DNAI4: variants seen among roughly 807,000 people sequenced by gnomAD.
DNAI4 encodes the protein WD repeat domain 78.
Under a neutral mutation model 105.8 loss-of-function variants are expected in DNAI4, and 85 were observed. That is an observed-to-expected ratio of 0.80 (90% confidence interval 0.67 to 0.96). DNAI4 has a LOEUF of 0.96. DNAI4 is among the 40% of genes least tolerant of loss of function. The pLI is 0.00. For synonymous variants in DNAI4, 352 were observed against 331.5 expected, an observed-to-expected ratio of 1.06 and a Z score of -0.67; for missense variants, 1,014 against 1,005.6, an observed-to-expected ratio of 1.01 and a Z score of -0.11.
chr1:66,819,847 T>C (rs1056074812), intron 16 of DNAI4, among the ~76,000 whole-genome samples: 9 of 152,028 alleles, frequency 5.9e-5, no homozygotes, highest in African/African-American at 1.7e-4. Flanking sequence ...AATTCAGAGT[T>C]TGTGGGCAAG....
intron 7 of DNAI4, among the ~76,000 whole-genome samples, chr1:66,850,161 T>C (rs973087318): frequency 9.1e-4 from 105 of 115,738 alleles, no homozygotes; most frequent in African/African-American, 3.2e-3. Context: ...AAAAAAAAAA[T>C]CTAGAAAGCA....
In DNAI4 at chr1:66,847,583, C is replaced by T; in HGVS notation, c.1192G>A (p.Asp398Asn). The T allele has an allele frequency of 6.2e-7, 1 of 1,613,926 alleles. No homozygotes were observed. The highest frequency in any genetic ancestry group is 8.5e-7 in the Non-Finnish European group (1 of 1,179,954). The change falls in exon 8 of 17, where the codon GAC becomes AAC. Residue 398 changes from aspartate (D) to asparagine (N), a missense_variant. Asp to Asn is a conservative substitution (Grantham distance 23). Coordinates refer to ENST00000371026, the MANE Select transcript of DNAI4 (RefSeq NM_024763.5). ...EDHSDAILKS[D>N]KFHQDLFFME... Reference sequence around the variant, plus strand: ...AAAAATAAGTCCTGATGAAATTTGTCAGATTTTAATATTGCATCTGAGTGG... The same window carrying T: ...AAAAATAAGTCCTGATGAAATTTGTTAGATTTTAATATTGCATCTGAGTGG...
intron 2 of DNAI4, among the ~76,000 whole-genome samples, chr1:66,897,341 G>A (rs1338261775): frequency 6.6e-6 from 1 of 152,178 alleles, no homozygotes; most frequent in Non-Finnish European, 1.5e-5. Flanking sequence ...ACAAAGGGAT[G>A]AGATTACAAA....
chr1:66,887,833 C>T (rs1043601325), intron 4 of DNAI4, among the ~76,000 whole-genome samples: 2 of 151,908 alleles, frequency 1.3e-5, no homozygotes, highest in Admixed American at 1.3e-4. Flanking sequence ...GTGGCAGGCA[C>T]CTGTAATCCC....
chr1:66,870,172 G>A (rs748259723), intron 6 of DNAI4, among the ~76,000 whole-genome samples: 5 of 152,218 alleles, frequency 3.3e-5, no homozygotes, highest in Non-Finnish European at 7.4e-5. Context: ...GGCCAGGCGC[G>A]GTGGCTCATG....
intron 7 of DNAI4, among the ~76,000 whole-genome samples, chr1:66,858,532 C>CAAAAAAAAAAAAAAAAAAAAAAAA (rs3033717): frequency 1.6e-5 from 1 of 63,586 alleles, no homozygotes; most frequent in Non-Finnish European, 3.1e-5. Context: ...GACTCCGTCT[C>CAAAAAAAAAAAAAAAAAAAAAAAA]AAAAAAAAAA....
intron 8 of DNAI4, among the ~76,000 whole-genome samples, chr1:66,843,503 G>C (rs1390862602): frequency 6.6e-6 from 1 of 152,140 alleles, no homozygotes; most frequent in East Asian, 1.9e-4. Context: ...TCTCTTGACA[G>C]TGTCTTTTGC....
chr1:66,914,253 G>A (rs1172002081), intron 1 of DNAI4, among the ~76,000 whole-genome samples: 4 of 152,112 alleles, frequency 2.6e-5, no homozygotes, highest in Non-Finnish European at 4.4e-5. Flanking sequence ...AAATAATATG[G>A]TCTTTGTGCA....
chr1:66,825,272 C>T (rs564358953), intron 15 of DNAI4, among the ~76,000 whole-genome samples: 27 of 149,996 alleles, frequency 1.8e-4, no homozygotes, highest in South Asian at 6.3e-4. Flanking sequence ...CTCCGCTTCC[C>T]GGGTTCACGC....
intron 6 of DNAI4, among the ~76,000 whole-genome samples, chr1:66,869,145 G>A (rs1045443747): frequency 5.3e-5 from 8 of 150,290 alleles, no homozygotes; most frequent in Admixed American, 2.0e-4. Flanking sequence ...ATATTCTATT[G>A]GTTCTGTTTT....
At chr1:66,883,829 C>G (rs1647133852) in intron 4 of DNAI4, among the ~76,000 whole-genome samples, 1 of 152,124 alleles carries the variant, frequency 6.6e-6, no homozygotes, top group South Asian at 2.1e-4. Flanking sequence ...CTCAAATACT[C>G]AACATTTTTG....
At chr1:66,848,343 A>G in intron 7 of DNAI4, 1 of 445,020 alleles carries the variant, frequency 2.2e-6, no homozygotes, top group Non-Finnish European at 4.5e-6. Context: ...TTAGTACCCC[A>G]TGTGATTAGA....
intron 5 of DNAI4, among the ~76,000 whole-genome samples, chr1:66,873,276 C>G (rs983590666): frequency 6.0e-5 from 9 of 149,328 alleles, no homozygotes; most frequent in African/African-American, 2.2e-4. Context: ...TGGTCTCTCT[C>G]GGTTGACCAG....
chr1:66,887,945 C>G (rs539468383), intron 4 of DNAI4, among the ~76,000 whole-genome samples: 1 of 151,634 alleles, frequency 6.6e-6, no homozygotes, highest in Non-Finnish European at 1.5e-5. Context: ...GGTGACAGAG[C>G]GAGACTTTGT....
At chr1:66,854,281 C>T (rs1483293702) in intron 7 of DNAI4, among the ~76,000 whole-genome samples, 1 of 152,048 alleles carries the variant, frequency 6.6e-6, no homozygotes, top group African/African-American at 2.4e-5. Context: ...GTCCCAGCTA[C>T]TTGGGAGGCT....
chr1:66,862,449 G>T, intron 6 of DNAI4, 147 bp from the exon 7 acceptor site: 1 of 778,148 alleles, frequency 1.3e-6, no homozygotes, highest in East Asian at 2.8e-5. Flanking sequence ...TGGTCCACCT[G>T]AGGCAGGAGG....
intron 4 of DNAI4, among the ~76,000 whole-genome samples, chr1:66,875,331 C>T (rs1646938366): frequency 6.6e-6 from 1 of 152,100 alleles, no homozygotes; most frequent in Non-Finnish European, 1.5e-5. Flanking sequence ...ACTTCTAATT[C>T]GTTGCTTTAG....
chr1:66,826,085 T>C lies in DNAI4; in HGVS notation c.2339+735A>G, dbSNP rs1325974510. 5.3e-5 allele frequency among the ~76,000 whole-genome samples: 8 copies of C among 152,302 alleles called. 1 individual carries two copies. The South Asian group carries it at 1.7e-3, about 32-fold the overall frequency. On this transcript the variant is annotated intron_variant, in intron 15 of 16. Transcript: ENST00000371026. ...AAAATTTTAATTAAGTTCATACCCC[T>C]CTGAATATTTTTGAAACAAGGTAAG...
At chr1:66,824,655 T>C (rs1358560177) in intron 15 of DNAI4, among the ~76,000 whole-genome samples, 2 of 152,034 alleles carry the variant, frequency 1.3e-5, no homozygotes, top group Admixed American at 1.3e-4. Flanking sequence ...CTAGGTATTT[T>C]ATTCTCTTTG....
Sources: gnomAD v4.1 joint callset for allele counts (sites outside exome capture counted in the v4.1 genomes callset) on GRCh38, gnomAD v4.1.1 for gene constraint, MANE v1.5 for transcripts, NCBI Gene and HGNC (gene_info 2026-07-23, HGNC 2026-07-21) for gene names.